ASPRV1: variants seen among roughly 807,000 people sequenced by gnomAD.
ASPRV1 encodes retroviral-like aspartic protease 1.
In ASPRV1, 7 loss-of-function variants were observed where a neutral mutation model predicts 11.0. The ratio of observed to expected loss-of-function variants is 0.64; its 90% CI spans 0.36 to 1.20. The LOEUF (loss-of-function observed/expected upper bound fraction) is 1.20, where lower values mean the gene tolerates loss of function less well. Among genes scored for constraint, ASPRV1 ranks in the 50% most tolerant of loss-of-function variants. The pLI is 0.02. For missense variants in ASPRV1, 299 were observed against 320.0 expected (o/e 0.93, Z 0.50); for synonymous variants, 136 against 138.4 (o/e 0.98, Z 0.12).
chr2:70,017,260 G>A, the ASPRV1 span, among the ~76,000 whole-genome samples: 1 of 152,136 alleles, frequency 6.6e-6, no homozygotes, highest in Admixed American at 6.5e-5. Flanking sequence ...CAAAGTGCTG[G>A]GATTACAGGC....
the ASPRV1 span, among the ~76,000 whole-genome samples, chr2:69,948,199 G>A: frequency 2.6e-5 from 4 of 152,056 alleles, no homozygotes; most frequent in Admixed American, 2.6e-4. Flanking sequence ...AGTGAGTCAC[G>A]ATTGCACCAC....
chr2:69,949,053 T>TC, the ASPRV1 span, among the ~76,000 whole-genome samples: 1 of 152,144 alleles, frequency 6.6e-6, no homozygotes, highest in Admixed American at 6.5e-5. Context: ...AAATCGCAGC[T>TC]CCCTGGTCAC....
At chr2:70,058,172 C>A in the ASPRV1 span, among the ~76,000 whole-genome samples, 1 of 152,214 alleles carries the variant, frequency 6.6e-6, no homozygotes, top group Non-Finnish European at 1.5e-5. Context: ...AAATACACAT[C>A]ATCTTCTCAA....
the ASPRV1 span, among the ~76,000 whole-genome samples, chr2:69,944,278 T>G: frequency 6.6e-6 from 1 of 152,240 alleles, no homozygotes; most frequent in Admixed American, 6.5e-5. Flanking sequence ...TGACAAATCT[T>G]ATTTCCGAAG....
At chr2:70,044,434 G>C in the ASPRV1 span, among the ~76,000 whole-genome samples, 1 of 151,904 alleles carries the variant, frequency 6.6e-6, no homozygotes, top group African/African-American at 2.4e-5. Flanking sequence ...GTCTCCCTTG[G>C]AGAAGAAAAA....
At chr2:70,058,551 ATTTT>A in the ASPRV1 span, among the ~76,000 whole-genome samples, 22 of 138,684 alleles carry the variant, frequency 1.6e-4, no homozygotes, top group Admixed American at 2.2e-4. Flanking sequence ...CTCTGAAGAA[ATTTT>A]TTTTTTTTTT....
At chr2:70,079,316 A>AG in the ASPRV1 span, among the ~76,000 whole-genome samples, 2 of 152,140 alleles carry the variant, frequency 1.3e-5, no homozygotes, top group African/African-American at 4.8e-5. Context: ...CTACAAAAAA[A>AG]AAAATAATAA....
the ASPRV1 span, among the ~76,000 whole-genome samples, chr2:69,999,185 C>T: frequency 2.0e-5 from 3 of 152,152 alleles, no homozygotes; most frequent in Admixed American, 6.6e-5. Flanking sequence ...CAACGCACTA[C>T]AGCCTTCAGC....
At chr2:70,047,727 C>A in the ASPRV1 span, among the ~76,000 whole-genome samples, 1 of 152,288 alleles carries the variant, frequency 6.6e-6, no homozygotes, top group Non-Finnish European at 1.5e-5. Context: ...GATGGTCAGG[C>A]TACAGTCAGA....
At chr2:70,042,401 T>C in the ASPRV1 span, among the ~76,000 whole-genome samples, 2 of 152,262 alleles carry the variant, frequency 1.3e-5, no homozygotes, top group Admixed American at 6.5e-5. Flanking sequence ...GAAAAGGCTC[T>C]AGTATCAGAT....
At chr2:70,078,765 G>T in the ASPRV1 span, among the ~76,000 whole-genome samples, 114 of 152,286 alleles carry the variant, frequency 7.5e-4, no homozygotes, top group Admixed American at 1.2e-3. Context: ...TAATCCAGGT[G>T]GGATTTTAAT....
At chr2:69,974,547 C>A in the ASPRV1 span, among the ~76,000 whole-genome samples, 1 of 152,126 alleles carries the variant, frequency 6.6e-6, no homozygotes, top group African/African-American at 2.4e-5. Flanking sequence ...GGATCTGAAC[C>A]CCAAGCCCAG....
At chr2:70,065,946 G>A in the ASPRV1 span, among the ~76,000 whole-genome samples, 1 of 151,750 alleles carries the variant, frequency 6.6e-6, no homozygotes, top group African/African-American at 2.4e-5. Flanking sequence ...AGTGGCTCAC[G>A]CCTGTACTCT....
the ASPRV1 span, chr2:70,028,708 A>G: frequency 6.6e-6 from 1 of 152,232 alleles, no homozygotes; most frequent in Non-Finnish European, 1.5e-5. Context: ...GTTCCTGATA[A>G]AAGGATAAGT....
chr2:69,994,796 G>A, the ASPRV1 span, among the ~76,000 whole-genome samples: 1 of 151,802 alleles, frequency 6.6e-6, no homozygotes, highest in Admixed American at 6.6e-5. Flanking sequence ...AGGAGATCAA[G>A]ACCATCCTGG....
chr2:69,949,265 A>G, the ASPRV1 span, among the ~76,000 whole-genome samples: 2 of 151,266 alleles, frequency 1.3e-5, no homozygotes, highest in African/African-American at 2.4e-5. Flanking sequence ...GAATGAATGA[A>G]TGAATGAATG....
the ASPRV1 span, among the ~76,000 whole-genome samples, chr2:69,984,896 G>A: frequency 1.4e-3 from 197 of 141,328 alleles, no homozygotes; most frequent in African/African-American, 5.0e-3. Context: ...TCGCTCTGTC[G>A]CCCAGGCTAG....
At chr2:70,010,601 C>T in the ASPRV1 span, among the ~76,000 whole-genome samples, 1 of 152,164 alleles carries the variant, frequency 6.6e-6, no homozygotes, top group Non-Finnish European at 1.5e-5. Context: ...GTGAAGCTCA[C>T]AAGAGAAGTA....
chr2:69,949,774 A>AT, the ASPRV1 span, among the ~76,000 whole-genome samples: 1 of 151,940 alleles, frequency 6.6e-6, no homozygotes, highest in Admixed American at 6.6e-5. Context: ...CATTCTGTTC[A>AT]TTTTTAATGT....
Sources: gnomAD v4.1 joint callset for allele counts (sites outside exome capture counted in the v4.1 genomes callset) on GRCh38, gnomAD v4.1.1 for gene constraint, MANE v1.5 for transcripts, NCBI Gene and HGNC (gene_info 2026-07-23, HGNC 2026-07-21) for gene names.